Variants in DYNAP observed in about 807,000 individuals in gnomAD.
The protein encoded by DYNAP is dynactin associated protein, also known as dynactin-associated protein.
Under a neutral mutation model 8.5 loss-of-function variants are expected in DYNAP, and 7 were observed. The observed-to-expected ratio is 0.82, with a 90% CI of 0.47 to 1.54. The LOEUF (loss-of-function observed/expected upper bound fraction) is 1.54. Among genes scored for constraint, DYNAP ranks in the 40% most tolerant of loss-of-function variants. The pLI is 0.01. For missense variants in DYNAP, 256 were observed against 224.3 expected (o/e 1.14, Z -0.90); for synonymous variants, 77 against 77.9 (o/e 0.99, Z 0.06).
intron 1 of DYNAP, among the ~76,000 whole-genome samples, chr18:54,592,091 T>C (rs1018888022): frequency 2.0e-5 from 3 of 151,812 alleles, no homozygotes; most frequent in Admixed American, 6.6e-5. Flanking sequence ...GTGTAACTCA[T>C]GAGATAAACC....
At chr18:54,583,208 C>T (rs7233754), upstream of DYNAP, among the ~76,000 whole-genome samples, 12,611 of 152,150 alleles carry the variant, frequency 0.083, 863 homozygotes, top group African/African-American at 0.19. Flanking sequence ...TTTTCTCTGA[C>T]CTGCTGGGTG....
At position 54,597,880 on chromosome 18, in the gene DYNAP, T is replaced by C. The variant is rs780945842; in HGVS notation, c.290T>C (p.Val97Ala). The change falls in exon 3 of 3, where the codon GTG (valine) becomes GCG (alanine). Residue 97 changes from valine to alanine, a missense_variant. Coordinates refer to ENST00000648945, the MANE Select transcript of DYNAP (RefSeq NM_173629.3). ...TTCCTGGCTTGTCTCTTAGCCTGTGTGATAATGACAGCAATTGGAGTACTT... is the reference window on the plus strand; with the variant it reads ...TTCCTGGCTTGTCTCTTAGCCTGTGCGATAATGACAGCAATTGGAGTACTT... ...KVFLACLLAC[V>A]IMTAIGVLII... is the part of the protein sequence containing the mutation. 1 of 1,613,612 alleles carries C rather than the reference T, an allele frequency of 6.2e-7. No homozygotes were observed. Among genetic ancestry groups the C allele is most frequent in the Non-Finnish European group, 8.5e-7 (1 of 1,179,708 alleles).
chr18:54,585,829 C>T (rs973695039), upstream of DYNAP, among the ~76,000 whole-genome samples: 6 of 152,222 alleles, frequency 3.9e-5, no homozygotes, highest in African/African-American at 1.2e-4. Flanking sequence ...CGTGAGCTCT[C>T]GTCTTTTACC....
At chr18:54,597,031 C>A (rs1246132624) in intron 2 of DYNAP, among the ~76,000 whole-genome samples, 7 of 152,034 alleles carry the variant, frequency 4.6e-5, no homozygotes, top group Non-Finnish European at 1.0e-4. Context: ...GTTTTGTATT[C>A]TATTCCTGGA....
chr18:54,589,467 T>G (rs563600335), upstream of DYNAP, among the ~76,000 whole-genome samples: 1 of 152,330 alleles, frequency 6.6e-6, no homozygotes, highest in East Asian at 1.9e-4. Flanking sequence ...TGAAGAAATA[T>G]TCTTTGCAAA....
At chr18:54,581,306 A>T in the DYNAP span, among the ~76,000 whole-genome samples, 2 of 152,232 alleles carry the variant, frequency 1.3e-5, no homozygotes, top group Non-Finnish European at 2.9e-5. Flanking sequence ...ATCTCCCAAA[A>T]TACTGAAGGA....
At chr18:54,580,929 A>G in the DYNAP span, among the ~76,000 whole-genome samples, 1 of 152,198 alleles carries the variant, frequency 6.6e-6, no homozygotes, top group African/African-American at 2.4e-5. Flanking sequence ...TAGAAAAAAA[A>G]ATCTAGGGAC....
In DYNAP at chr18:54,598,460, C is replaced by A; in HGVS notation, c.*315C>A. ...TTCTACTTAGCCTACAGTAACAATG[C>A]TCATCACTCTTTTCCAACAATGTAT... On this transcript the variant is annotated 3_prime_UTR_variant, in exon 3 of 3. Transcript: ENST00000648945. 3.7e-6 allele frequency: 1 copy of A among 267,414 alleles called. No individual in the cohort carries two copies. The highest frequency in any genetic ancestry group is 9.2e-5 in the South Asian group (1 of 10,928). 16.6% of individuals were successfully genotyped at this position (267,414 alleles called of 1,614,324 possible).
chr18:54,578,291 C>A, the DYNAP span, among the ~76,000 whole-genome samples: 1 of 152,152 alleles, frequency 6.6e-6, no homozygotes, highest in African/African-American at 2.4e-5. Context: ...AGACAGGATG[C>A]TCAGAAAGAA....
At chr18:54,577,197 A>C in the DYNAP span, among the ~76,000 whole-genome samples, 1 of 152,198 alleles carries the variant, frequency 6.6e-6, no homozygotes, top group Non-Finnish European at 1.5e-5. Context: ...AAGTGCATTA[A>C]AAATCTCCAA....
the DYNAP span, among the ~76,000 whole-genome samples, chr18:54,577,280 G>C: frequency 6.6e-6 from 1 of 152,044 alleles, no homozygotes; most frequent in African/African-American, 2.4e-5. Flanking sequence ...AATTTATTAA[G>C]CTCCCTCTAG....
the DYNAP span, among the ~76,000 whole-genome samples, chr18:54,578,946 C>T: frequency 6.6e-6 from 1 of 151,996 alleles, no homozygotes; most frequent in African/African-American, 2.4e-5. Context: ...ACTACAGGTG[C>T]CCACCACCAT....
chr18:54,590,711 T>G (rs1360326927), upstream of DYNAP, among the ~76,000 whole-genome samples: 1 of 152,206 alleles, frequency 6.6e-6, no homozygotes, highest in Non-Finnish European at 1.5e-5. Flanking sequence ...ATTTTCAATA[T>G]TCCATCACTC....
the DYNAP span, among the ~76,000 whole-genome samples, chr18:54,580,307 C>T: frequency 2.0e-5 from 3 of 152,160 alleles, no homozygotes; most frequent in East Asian, 5.8e-4. Flanking sequence ...TGAAAGACAC[C>T]ACCTGTCATG....
At chr18:54,579,821 A>G in the DYNAP span, among the ~76,000 whole-genome samples, 1 of 152,202 alleles carries the variant, frequency 6.6e-6, no homozygotes, top group Non-Finnish European at 1.5e-5. Flanking sequence ...TAAATAAAAG[A>G]TTAGTTGCCT....
At chr18:54,576,681 C>T in the DYNAP span, among the ~76,000 whole-genome samples, 9 of 151,506 alleles carry the variant, frequency 5.9e-5, no homozygotes, top group African/African-American at 1.9e-4. Context: ...TGCACACCTG[C>T]GGTGTCAGCT....
chr18:54,586,311 C>G (rs569781405), upstream of DYNAP, among the ~76,000 whole-genome samples: 1 of 152,246 alleles, frequency 6.6e-6, no homozygotes, highest in African/African-American at 2.4e-5. Flanking sequence ...GATTGCCGAT[C>G]CTCATACTCT....
At chr18:54,576,137 T>C in the DYNAP span, among the ~76,000 whole-genome samples, 1 of 152,206 alleles carries the variant, frequency 6.6e-6, no homozygotes, top group Admixed American at 6.5e-5. Flanking sequence ...CTTGTATCAG[T>C]ATACCAAAAT....
chr18:54,595,014 G>A lies in DYNAP; in HGVS notation c.133G>A (p.Asp45Asn), dbSNP rs1911229400. ...WCLPSNDITS[D>N]VSPNLTGVCV... ...TCTACCTTCAAATGATATAACCAGT[G>A]ATGTCTCTCCCAACTTAACTGGGGT... is the stretch of plus-strand genomic sequence containing the variant. Residue 45 changes from aspartate to asparagine, a missense_variant, in exon 2 of 3, where the codon GAT (aspartate) becomes AAT (asparagine). By Grantham distance (23) the Asp-to-Asn change is conservative. Coordinates refer to ENST00000648945, the MANE Select transcript of DYNAP (RefSeq NM_173629.3). 2 of 1,612,712 alleles carry A rather than the reference G, an allele frequency of 1.2e-6. No individual in the cohort carries two copies. Among genetic ancestry groups the A allele is most frequent in the Admixed American group, 3.3e-5 (2 of 59,878 alleles).
Sources: gnomAD v4.1 joint callset for allele counts (sites outside exome capture counted in the v4.1 genomes callset) on GRCh38, gnomAD v4.1.1 for gene constraint, MANE v1.5 for transcripts, NCBI Gene and HGNC (gene_info 2026-07-23, HGNC 2026-07-21) for gene names.